RELN: variants seen among roughly 807,000 people sequenced by gnomAD.
The protein encoded by RELN is reelin.
RELN carries 108 observed loss-of-function variants against 427.6 expected under a neutral mutation model. The observed-to-expected ratio is 0.25, with a 90% confidence interval of 0.22 to 0.30. The LOEUF (loss-of-function observed/expected upper bound fraction) is 0.30, where lower values mean the gene tolerates loss of function less well. Among genes scored for constraint, RELN ranks in the 10% least tolerant of loss-of-function variants. The pLI is 1.00. For synonymous variants in RELN, 1,524 were observed against 1,513.4 expected, an observed-to-expected ratio of 1.01 and a Z score of -0.16; for missense variants, 3,715 against 4,302.8, an observed-to-expected ratio of 0.86 and a Z score of 3.82.
At chr7:103,855,263 ATACAGTGGTGTGCACAGGCAGCACACTG>A in intron 2 of RELN, among the ~76,000 whole-genome samples, 1 of 152,336 alleles carries the variant, frequency 6.6e-6, no homozygotes, top group Middle Eastern at 3.4e-3. Context: ...TGTGGCCGAA[ATACAGTGGTGTGCACAGGCAGCACACTG>A]TGGAAAACAC....
intron 2 of RELN, among the ~76,000 whole-genome samples, chr7:103,911,260 T>C (rs1009120477): frequency 7.4e-5 from 11 of 148,958 alleles, no homozygotes; most frequent in Admixed American, 3.3e-4. Flanking sequence ...AAAATGCTCA[T>C]CATCACTAGC....
At chr7:103,653,948 T>C in intron 13 of RELN, 145 bp downstream of exon 13, 1 of 663,668 alleles carries the variant, frequency 1.5e-6, no homozygotes, top group East Asian at 2.7e-5. Context: ...AAATGTCTAT[T>C]TCACTTTTAA....
At chr7:103,983,738 A>G (rs888026966) in intron 1 of RELN, among the ~76,000 whole-genome samples, 13 of 152,168 alleles carry the variant, frequency 8.5e-5, no homozygotes, top group African/African-American at 3.1e-4. Flanking sequence ...CATAGCCTAA[A>G]CCACCTCTCT....
At position 103,808,768 on chromosome 7, in the gene RELN, A is replaced by T. The variant is rs553013383; in HGVS notation, c.473+24769T>A. 2.6e-5 allele frequency among the ~76,000 whole-genome samples: 4 copies of T among 152,272 alleles called. No individual in the cohort carries two copies. In the South Asian group the frequency reaches 8.3e-4, roughly 32 times the overall value. ...GAAAGTACAAGTAAAAAGAGGTAGA[A>T]ATAGGAGGACAAAAAAGAAATTTGG... On this transcript the variant is annotated intron_variant, in intron 3 of 64. Coordinates refer to ENST00000428762, the MANE Select transcript of RELN (RefSeq NM_005045.4).
intron 51 of RELN, among the ~76,000 whole-genome samples, chr7:103,510,631 A>G (rs1018795763): frequency 6.6e-6 from 1 of 152,206 alleles, no homozygotes; most frequent in Non-Finnish European, 1.5e-5. Context: ...AAAGTATAAT[A>G]AAAAAAGATG....
At chr7:103,815,606 G>A (rs1009177415) in intron 3 of RELN, among the ~76,000 whole-genome samples, 20 of 152,192 alleles carry the variant, frequency 1.3e-4, no homozygotes, top group Non-Finnish European at 2.9e-4. Flanking sequence ...TCTACTTACA[G>A]ATTAGCATTA....
At chr7:103,579,177 C>T (rs548427684) in intron 28 of RELN, among the ~76,000 whole-genome samples, 9 of 152,262 alleles carry the variant, frequency 5.9e-5, no homozygotes, top group African/African-American at 1.7e-4. Context: ...CATGCAACTC[C>T]GACAACCATT....
chr7:103,503,066 A>T lies in RELN; in HGVS notation c.8439T>A (p.Thr2813=), dbSNP rs780362123. ...GGTAGGTGATCCTTTTCCACCCTTT[A>T]GTTGGAAAGAATACAGATGGCTGAG... is the stretch of plus-strand genomic sequence containing the variant. ...SVSQPSVFFP[T]KGWKRITYPL... Residue 2813 remains threonine, a synonymous_variant, in exon 52 of 65, where the codon ACT becomes ACA. Coordinates refer to ENST00000428762, the MANE Select transcript of RELN (RefSeq NM_005045.4). The T allele has an allele frequency of 3.1e-6, 5 of 1,614,172 alleles. No homozygotes were observed. Among genetic ancestry groups the T allele is most frequent in the Admixed American group, 1.7e-5 (1 of 60,032 alleles).
At chr7:103,588,835 G>A (rs139703767) in intron 28 of RELN, among the ~76,000 whole-genome samples, 22 of 152,226 alleles carry the variant, frequency 1.4e-4, no homozygotes, top group African/African-American at 5.3e-4. Flanking sequence ...AAATTATCCC[G>A]TCACAGGACT....
intron 1 of RELN, among the ~76,000 whole-genome samples, chr7:103,925,725 G>T (rs1238959929): frequency 6.6e-6 from 1 of 152,064 alleles, no homozygotes; most frequent in Non-Finnish European, 1.5e-5. Flanking sequence ...ATCATTTTGG[G>T]AGATTTATTA....
chr7:103,936,538 A>C (rs1042796823), intron 1 of RELN, among the ~76,000 whole-genome samples: 1 of 152,102 alleles, frequency 6.6e-6, no homozygotes, highest in Non-Finnish European at 1.5e-5. Flanking sequence ...CCTTCTATTT[A>C]TTCCTTGGAT....
chr7:103,541,562 T>C (rs1830177806), intron 43 of RELN, among the ~76,000 whole-genome samples: 1 of 152,228 alleles, frequency 6.6e-6, no homozygotes, highest in Admixed American at 6.5e-5. Context: ...AGCTAAATAA[T>C]GGAGCTTTTA....
At chr7:103,820,933 C>T (rs923797582) in intron 3 of RELN, among the ~76,000 whole-genome samples, 14 of 151,974 alleles carry the variant, frequency 9.2e-5, no homozygotes, top group African/African-American at 2.9e-4. Flanking sequence ...GCATGTTTAT[C>T]GAACCTTTAC....
chr7:103,989,336 G>T lies in RELN; in HGVS notation c.21C>A (p.Ala7=). MERSGW[A]RQTFLLALLL... is the part of the protein sequence containing the mutation. ...ACAGCGCTAGGAGGAAAGTCTGCCG[G>T]GCCCAGCCACTGCGCTCCATGCCGC... is the stretch of plus-strand genomic sequence containing the variant. The change falls in exon 1 of 65, where the codon GCC becomes GCA. Residue 7 remains alanine, a synonymous_variant. Transcript: ENST00000428762. This position sits in a 1 kb window ranked among gnomAD's most constrained non-coding sequence, Gnocchi z 4.9. 1 of 1,563,010 alleles carries T rather than the reference G, an allele frequency of 6.4e-7. No homozygotes were observed.
At chr7:103,926,098 C>CTTTT (rs1795727748) in intron 1 of RELN, among the ~76,000 whole-genome samples, 2 of 75,414 alleles carry the variant, frequency 2.7e-5, no homozygotes, top group African/African-American at 1.1e-4. Flanking sequence ...CCCCACCCCG[C>CTTTT]CTTTTTTTTT....
Position 103,542,881 on chromosome 7 carries a change from GA to G in RELN, c.6524-4del. The G allele has an allele frequency of 1.9e-6, 3 of 1,613,908 alleles. No individual in the cohort carries two copies. The highest frequency in any genetic ancestry group is 2.5e-6 in the Non-Finnish European group (3 of 1,179,946). ...GAATCTATCAGATTCTAGCTGACCT[GA>G]AAAAATTGGAAAATATGGTTTACCT... On this transcript the variant is annotated splice_polypyrimidine_tract_variant and splice_region_variant and intron_variant, in intron 42 of 64. Transcript: ENST00000428762.
chr7:103,652,969 C>T (rs769471623), intron 13 of RELN, among the ~76,000 whole-genome samples: 3 of 151,974 alleles, frequency 2.0e-5, no homozygotes, highest in Non-Finnish European at 2.9e-5. Flanking sequence ...TTCCTGTGCA[C>T]GAGGTGGGGG....
chr7:103,487,950 CCTGA>C (rs1001344021), intron 60 of RELN, among the ~76,000 whole-genome samples: 59 of 151,996 alleles, frequency 3.9e-4, no homozygotes, highest in African/African-American at 1.4e-3. Flanking sequence ...TCGAGTCCAG[CCTGA>C]CTAACACGGT....
chr7:103,616,798 C>T (rs538831972), intron 20 of RELN, among the ~76,000 whole-genome samples: 57 of 152,230 alleles, frequency 3.7e-4, no homozygotes, highest in African/African-American at 1.3e-3. Context: ...AGCCAATCTT[C>T]AATTATAAAA....
Sources: gnomAD v4.1 joint callset for allele counts (sites outside exome capture counted in the v4.1 genomes callset) on GRCh38, gnomAD v4.1.1 for gene constraint, Gnocchi (gnomAD v3.1) non-coding constraint, MANE v1.5 for transcripts, NCBI Gene and HGNC (gene_info 2026-07-23, HGNC 2026-07-21) for gene names.